Variants in SMAP1 observed in about 807,000 individuals in gnomAD.
SMAP1 encodes the protein stromal membrane-associated protein 1.
A neutral mutation model predicts 58.5 loss-of-function variants in SMAP1; 24 were observed. The observed-to-expected ratio is 0.41, with a 90% CI of 0.30 to 0.58. The LOEUF is 0.58. Among genes scored for constraint, SMAP1 ranks in the 20% least tolerant of loss-of-function variants. SMAP1 has a pLI of 0.29. For synonymous variants in SMAP1, 216 were observed against 196.6 expected, an observed-to-expected ratio of 1.10 and a Z score of -0.82; for missense variants, 563 against 566.3, an observed-to-expected ratio of 0.99 and a Z score of 0.06.
intron 4 of SMAP1, among the ~76,000 whole-genome samples, chr6:70,786,712 C>T (rs1582184117): frequency 1.3e-5 from 2 of 152,010 alleles, no homozygotes; most frequent in Non-Finnish European, 2.9e-5. Context: ...CAATTACTAC[C>T]AAGAGAATAA....
chr6:70,766,759 C>T (rs1488504764), intron 3 of SMAP1, among the ~76,000 whole-genome samples: 1 of 152,150 alleles, frequency 6.6e-6, no homozygotes, highest in Non-Finnish European at 1.5e-5. Flanking sequence ...AATTAGATCC[C>T]ATTTGTCAAT....
At position 70,725,019 on chromosome 6, in the gene SMAP1, A is replaced by G. The variant is rs191633680; in HGVS notation, c.119-7359A>G. ...AAATGTGAAATCTTTTAAATATGGTAGTGTCTGAGTCAGTGGCTTCTTAGC... is the reference window on the plus strand; with the variant it reads ...AAATGTGAAATCTTTTAAATATGGTGGTGTCTGAGTCAGTGGCTTCTTAGC... On this transcript the variant is annotated intron_variant, in intron 1 of 10. Transcript: ENST00000370455. Among the ~76,000 whole-genome samples the G allele has an allele frequency of 2.3e-4, 32 of 141,626 alleles. No individual in the cohort carries two copies. In the East Asian group the frequency reaches 6.4e-3, roughly 28 times the overall value. The allele number at this position is 141,626 out of a possible 152,430, so 92.9% of individuals were successfully genotyped here.
chr6:70,836,942 T>G lies in SMAP1; in HGVS notation c.578T>G (p.Leu193Arg). ...KPAKPLTAEK[L>R]QKKDQQLEPK... is the part of the protein sequence containing the mutation. Reference sequence around the variant, plus strand: ...TAAATCCAATTATTTACTTTAAAGCTGCAGAAGAAAGATCAGCAACTGGAG... The same window carrying G: ...TAAATCCAATTATTTACTTTAAAGCGGCAGAAGAAAGATCAGCAACTGGAG... The change falls in exon 7 of 11, where the codon CTG becomes CGG. Residue 193 changes from leucine (L) to arginine (R), a missense_variant and splice_region_variant. Leu to Arg is a moderately radical substitution (Grantham distance 102, BLOSUM62 -2). Coordinates refer to ENST00000370455, the MANE Select transcript of SMAP1 (RefSeq NM_001044305.3). The G allele has an allele frequency of 6.3e-7, 1 of 1,578,734 alleles. No homozygotes were observed. The highest frequency in any genetic ancestry group is 8.6e-7 in the Non-Finnish European group (1 of 1,165,738).
At chr6:70,796,941 ATTC>A (rs1562168271) in intron 5 of SMAP1, among the ~76,000 whole-genome samples, 3 of 152,114 alleles carry the variant, frequency 2.0e-5, no homozygotes, top group African/African-American at 4.8e-5. Context: ...CTATCCATGT[ATTC>A]TTCTTTTGTT....
chr6:70,769,819 C>T (rs373709038), intron 3 of SMAP1, among the ~76,000 whole-genome samples: 145 of 151,974 alleles, frequency 9.5e-4, no homozygotes, highest in Middle Eastern at 6.8e-3. Context: ...TTATTTTGCT[C>T]GTTAGTTGAT....
At chr6:70,765,401 A>G (rs539675878) in intron 3 of SMAP1, among the ~76,000 whole-genome samples, 1 of 152,344 alleles carries the variant, frequency 6.6e-6, no homozygotes, top group Non-Finnish European at 1.5e-5. Context: ...ATAAAGACCC[A>G]TAACATGTCT....
intron 1 of SMAP1, chr6:70,668,539 G>T: frequency 1.3e-6 from 2 of 1,526,990 alleles, no homozygotes; most frequent in Non-Finnish European, 1.8e-6. Flanking sequence ...TATCTCTGTG[G>T]GTGGGGCCGC....
At chr6:70,823,450 A>C (rs943860443) in intron 6 of SMAP1, among the ~76,000 whole-genome samples, 8 of 152,172 alleles carry the variant, frequency 5.3e-5, no homozygotes, top group African/African-American at 1.9e-4. Flanking sequence ...AACTCCTAGC[A>C]GGTCAGGCTC....
chr6:70,757,314 A>G (rs1766536394), intron 3 of SMAP1, among the ~76,000 whole-genome samples: 2 of 150,672 alleles, frequency 1.3e-5, no homozygotes, highest in South Asian at 2.1e-4. Context: ...CTGGCTAGCC[A>G]TATGTAGAAA....
At chr6:70,766,031 T>C (rs1766964022) in intron 3 of SMAP1, among the ~76,000 whole-genome samples, 1 of 152,010 alleles carries the variant, frequency 6.6e-6, no homozygotes, top group Admixed American at 6.5e-5. Context: ...TTACTGAGAA[T>C]GATGATTTCC....
intron 2 of SMAP1, among the ~76,000 whole-genome samples, chr6:70,742,937 A>G (rs1765877313): frequency 6.6e-6 from 1 of 152,172 alleles, no homozygotes. Flanking sequence ...GAGAACAGTA[A>G]GGGGAAAACC....
At chr6:70,688,475 T>C (rs562337381) in intron 1 of SMAP1, among the ~76,000 whole-genome samples, 11 of 152,318 alleles carry the variant, frequency 7.2e-5, no homozygotes, top group African/African-American at 2.2e-4. Flanking sequence ...TGACTGTTTT[T>C]TATTTTAGTA....
chr6:70,774,551 T>C (rs957848320), intron 4 of SMAP1, among the ~76,000 whole-genome samples: 6 of 152,142 alleles, frequency 3.9e-5, no homozygotes, highest in Admixed American at 2.6e-4. Context: ...TTTAATATGC[T>C]ATCTTTGGCC....
intron 6 of SMAP1, among the ~76,000 whole-genome samples, chr6:70,805,480 C>T (rs762596624): frequency 3.3e-5 from 5 of 152,026 alleles, no homozygotes; most frequent in African/African-American, 7.2e-5. Context: ...TTGTGATTAC[C>T]GACTTTTTGA....
chr6:70,810,227 T>A (rs1057274724), intron 6 of SMAP1, among the ~76,000 whole-genome samples: 9 of 152,164 alleles, frequency 5.9e-5, no homozygotes, highest in African/African-American at 1.9e-4. Flanking sequence ...TGCGTAGAAC[T>A]CCTGAGCTCA....
At chr6:70,845,868 GAA>G (rs533313865) in intron 7 of SMAP1, among the ~76,000 whole-genome samples, 318 of 152,322 alleles carry the variant, frequency 2.1e-3, no homozygotes, top group African/African-American at 7.3e-3. Flanking sequence ...ATGATTGAGA[GAA>G]AGAATTCCAG....
intron 1 of SMAP1, among the ~76,000 whole-genome samples, chr6:70,719,535 A>G (rs190732171): frequency 1.3e-5 from 2 of 152,276 alleles, no homozygotes; most frequent in Admixed American, 1.3e-4. Context: ...CTGAACTTAT[A>G]GCCAAAATGC....
At chr6:70,700,325 C>A (rs1287842311) in intron 1 of SMAP1, among the ~76,000 whole-genome samples, 1 of 152,196 alleles carries the variant, frequency 6.6e-6, no homozygotes, top group African/African-American at 2.4e-5. Flanking sequence ...TCTTTTCAGA[C>A]AGTCTCACTG....
At chr6:70,679,942 A>G (rs776930633) in intron 1 of SMAP1, among the ~76,000 whole-genome samples, 48 of 152,360 alleles carry the variant, frequency 3.2e-4, no homozygotes, top group Middle Eastern at 6.8e-3. Context: ...TGAAAAACAA[A>G]AAGAATGTTT....
Sources: gnomAD v4.1 joint callset for allele counts (sites outside exome capture counted in the v4.1 genomes callset) on GRCh38, gnomAD v4.1.1 for gene constraint, MANE v1.5 for transcripts, NCBI Gene and HGNC (gene_info 2026-07-23, HGNC 2026-07-21) for gene names.